Variants in CD226 observed in about 807,000 individuals in gnomAD.
CD226 encodes the protein CD226 molecule, also known as CD226 antigen.
A neutral mutation model predicts 34.9 loss-of-function variants in CD226; 24 were observed. The observed-to-expected ratio is 0.69, with a 90% CI of 0.50 to 0.97. The LOEUF (loss-of-function observed/expected upper bound fraction) is 0.97. CD226 is among the 50% of genes least tolerant of loss of function. CD226 has a pLI of 0.00. For synonymous variants in CD226, 148 were observed against 147.4 expected (o/e 1.00, Z -0.03); for missense variants, 397 against 412.7 (o/e 0.96, Z 0.33).
chr18:69,897,821 T>C (rs1383782952), intron 2 of CD226, among the ~76,000 whole-genome samples: 1 of 152,128 alleles, frequency 6.6e-6, no homozygotes, highest in African/African-American at 2.4e-5. Flanking sequence ...GCTACGATAG[T>C]TTCAGCCGCA....
chr18:69,878,740 G>A (rs550790400), intron 3 of CD226, among the ~76,000 whole-genome samples: 10 of 152,188 alleles, frequency 6.6e-5, no homozygotes, highest in Admixed American at 6.5e-5. Flanking sequence ...TGTGGTTTTC[G>A]CCGCCATCAT....
intron 2 of CD226, among the ~76,000 whole-genome samples, chr18:69,921,949 G>T (rs1476891241): frequency 2.0e-5 from 3 of 151,736 alleles, no homozygotes; most frequent in Non-Finnish European, 4.4e-5. Context: ...TTTGTCTTTG[G>T]AAAACTCCAC....
At chr18:69,958,643 G>A (rs1729198484), upstream of CD226, among the ~76,000 whole-genome samples, 3 of 152,120 alleles carry the variant, frequency 2.0e-5, no homozygotes, top group South Asian at 6.2e-4. Flanking sequence ...TATCGTGACA[G>A]TAGCTGCTGC....
chr18:69,929,370 T>C (rs1303048327), intron 2 of CD226, among the ~76,000 whole-genome samples: 1 of 152,190 alleles, frequency 6.6e-6, no homozygotes, highest in Non-Finnish European at 1.5e-5. Flanking sequence ...TTTTATCAAG[T>C]CACTCTCATG....
chr18:69,951,026 C>T (rs1260870275), upstream of CD226, among the ~76,000 whole-genome samples: 22 of 145,860 alleles, frequency 1.5e-4, no homozygotes, highest in African/African-American at 5.1e-4. Context: ...GAGGTGGGGA[C>T]GTGCTATGTT....
chr18:69,877,658 C>T (rs1366897998), intron 3 of CD226, among the ~76,000 whole-genome samples: 1 of 152,134 alleles, frequency 6.6e-6, no homozygotes, highest in Non-Finnish European at 1.5e-5. Flanking sequence ...ACTTCTGTTT[C>T]CTGAGGCCTG....
rs567065204 is a variant in CD226 at position 69,861,786 on chromosome 18, G to A, written c.*2528C>T. On this transcript the variant is annotated 3_prime_UTR_variant, in exon 6 of 6. Coordinates refer to ENST00000582621, the MANE Select transcript of CD226 (RefSeq NM_001303618.2). ...AAAACTATCACGAATTAAGAATGAT[G>A]TTAAAAAGATGACAATGAAAGTGCT... The A allele has an allele frequency of 3.3e-5, 5 of 151,840 alleles. No individual in the cohort carries two copies. Among genetic ancestry groups the A allele is most frequent in the Non-Finnish European group, 7.4e-5 (5 of 67,888 alleles). The allele number at this position is 151,840 out of a possible 1,614,324, so 9.4% of individuals were successfully genotyped here.
In CD226 at chr18:69,870,879, C is replaced by T. The variant is rs552787706; in HGVS notation, c.830+2265G>A. Among the ~76,000 whole-genome samples, 8 of 152,258 alleles carry T rather than the reference C, an allele frequency of 5.3e-5. No individual in the cohort carries two copies. The East Asian group carries it at 7.7e-4, about 15-fold the overall frequency. ...TTGTTGGAGCCCTTGGGTCATCTTT[C>T]GAAGCATTTCTATTGGAAGTAACAA... On this transcript the variant is annotated intron_variant, in intron 4 of 5. Transcript: ENST00000582621.
intron 3 of CD226, among the ~76,000 whole-genome samples, chr18:69,881,883 G>T (rs1469200031): frequency 6.6e-6 from 1 of 152,118 alleles, no homozygotes; most frequent in Non-Finnish European, 1.5e-5. Context: ...GTGGATATTG[G>T]TATGGTAATA....
intron 5 of CD226, 146 bp downstream of exon 5, chr18:69,867,211 C>T: frequency 1.6e-6 from 1 of 621,702 alleles, no homozygotes; most frequent in Non-Finnish European, 2.9e-6. Flanking sequence ...ATAACTTTCT[C>T]CAAATAGCTG....
chr18:69,878,055 C>T (rs551765874), intron 3 of CD226, among the ~76,000 whole-genome samples: 11 of 152,206 alleles, frequency 7.2e-5, no homozygotes, highest in Non-Finnish European at 1.2e-4. Flanking sequence ...CAAATGGGTA[C>T]GGATGCTTTG....
Position 69,906,376 on chromosome 18 carries a change from T to C in CD226, c.383-10331A>G, listed in dbSNP as rs867469979. Among the ~76,000 whole-genome samples the C allele has an allele frequency of 1.8e-4, 27 of 152,320 alleles. No homozygotes were observed. In the East Asian group the frequency reaches 4.8e-3, roughly 27 times the overall value. On this transcript the variant is annotated intron_variant, in intron 2 of 5. Transcript: ENST00000582621. ...ACCATTGCTAACAGTGTGATTCCTA[T>C]CCAATTAAAATTGCTCTGAAAATTG...
At chr18:69,903,798 C>T (rs1285833093) in intron 2 of CD226, among the ~76,000 whole-genome samples, 7 of 152,090 alleles carry the variant, frequency 4.6e-5, no homozygotes, top group Middle Eastern at 3.2e-3. Context: ...GGGAACCAAC[C>T]CTGCTGATAC....
intron 2 of CD226, among the ~76,000 whole-genome samples, chr18:69,924,364 G>T (rs2055493473): frequency 6.6e-6 from 1 of 152,014 alleles, no homozygotes; most frequent in Non-Finnish European, 1.5e-5. Context: ...TATACAATAT[G>T]CACTTTGAAT....
At chr18:69,868,824 CAG>C (rs1568156252) in intron 4 of CD226, among the ~76,000 whole-genome samples, 2 of 151,244 alleles carry the variant, frequency 1.3e-5, no homozygotes, top group African/African-American at 4.9e-5. Flanking sequence ...CACACACACA[CAG>C]ACACACACAT....
chr18:69,924,133 G>A (rs533332285), intron 2 of CD226, among the ~76,000 whole-genome samples: 13 of 151,722 alleles, frequency 8.6e-5, no homozygotes, highest in Non-Finnish European at 1.3e-4. Flanking sequence ...ATAGACCACC[G>A]AGCCAACGTC....
intron 2 of CD226, 135 bp from the exon 3 acceptor site, chr18:69,896,180 A>ATT: frequency 7.6e-7 from 1 of 1,323,488 alleles, no homozygotes; most frequent in Non-Finnish European, 9.5e-7. Context: ...TCTTTATACT[A>ATT]CTTTTTTTTT....
chr18:69,901,322 G>A (rs957610211), intron 2 of CD226, among the ~76,000 whole-genome samples: 12 of 152,194 alleles, frequency 7.9e-5, no homozygotes, highest in African/African-American at 2.9e-4. Context: ...TGTGAGGGGT[G>A]AAGGTAATGA....
intron 2 of CD226, among the ~76,000 whole-genome samples, chr18:69,943,092 A>C (rs1321725615): frequency 6.6e-6 from 1 of 152,030 alleles, no homozygotes; most frequent in Admixed American, 6.5e-5. Context: ...TGAGTCTACC[A>C]CCCTGAACCT....
Sources: gnomAD v4.1 joint callset for allele counts (sites outside exome capture counted in the v4.1 genomes callset) on GRCh38, gnomAD v4.1.1 for gene constraint, MANE v1.5 for transcripts, NCBI Gene and HGNC (gene_info 2026-07-23, HGNC 2026-07-21) for gene names.